Variants in INSYN2B observed in about 807,000 individuals in gnomAD.
The protein encoded by INSYN2B is inhibitory synaptic factor family member 2B.
INSYN2B carries 16 observed loss-of-function variants against 41.2 expected under a neutral mutation model. The observed-to-expected ratio is 0.39, with a 90% CI of 0.26 to 0.59. INSYN2B has a LOEUF of 0.59. Among genes scored for constraint, INSYN2B ranks in the 20% least tolerant of loss-of-function variants. The pLI is 0.57. For missense variants in INSYN2B, 608 were observed against 646.4 expected (o/e 0.94, Z 0.64); for synonymous variants, 245 against 244.4 (o/e 1.00, Z -0.02).
intron 1 of INSYN2B, among the ~76,000 whole-genome samples, chr5:169,973,000 T>C (rs1421008659): frequency 6.6e-6 from 1 of 152,102 alleles, no homozygotes; most frequent in Non-Finnish European, 1.5e-5. Flanking sequence ...AGGGAGGAAG[T>C]GCTAAAAGAG....
chr5:169,861,376 T>A lies in INSYN2B; in HGVS notation c.*2897A>T, dbSNP rs1771185321. Among the ~76,000 whole-genome samples, 1 of 152,208 alleles carries A rather than the reference T, an allele frequency of 6.6e-6. No homozygotes were observed. The highest frequency in any genetic ancestry group is 2.1e-4 in the South Asian group (1 of 4,830). ...AAACAGTTTAGAAATTTACAAAACCTTACATCAGTACATCGTCTTTAAGAA... is the reference window on the plus strand; with the variant it reads ...AAACAGTTTAGAAATTTACAAAACCATACATCAGTACATCGTCTTTAAGAA... On this transcript the variant is annotated 3_prime_UTR_variant, in exon 4 of 4. Coordinates refer to ENST00000377365, the MANE Select transcript of INSYN2B (RefSeq NM_001129891.3).
intron 1 of INSYN2B, among the ~76,000 whole-genome samples, chr5:169,920,327 G>C (rs576883108): frequency 6.6e-6 from 1 of 152,316 alleles, no homozygotes; most frequent in East Asian, 1.9e-4. Flanking sequence ...TATGCAATTA[G>C]AAGTGTGGAT....
At chr5:169,975,094 G>T (rs1191789472) in intron 1 of INSYN2B, among the ~76,000 whole-genome samples, 2 of 152,136 alleles carry the variant, frequency 1.3e-5, no homozygotes, top group Non-Finnish European at 2.9e-5. Context: ...TAAAACTAAA[G>T]TCCATGCCCA....
At chr5:169,934,152 A>G (rs979389925) in intron 1 of INSYN2B, among the ~76,000 whole-genome samples, 10 of 152,098 alleles carry the variant, frequency 6.6e-5, no homozygotes, top group Admixed American at 5.2e-4. Flanking sequence ...AGTGTTCCCA[A>G]TTAGGGGTTG....
intron 3 of INSYN2B, among the ~76,000 whole-genome samples, chr5:169,869,863 C>G (rs893753038): frequency 1.3e-5 from 2 of 152,220 alleles, no homozygotes; most frequent in South Asian, 4.1e-4. Context: ...ACCCTCCCAT[C>G]CTTACCATCT....
At chr5:169,895,727 G>C (rs1490147253) in intron 1 of INSYN2B, among the ~76,000 whole-genome samples, 1 of 151,934 alleles carries the variant, frequency 6.6e-6, no homozygotes, top group Non-Finnish European at 1.5e-5. Context: ...CTCTTACAAA[G>C]AGTTATTCAT....
Position 169,862,442 on chromosome 5 carries a change from A to T in INSYN2B, c.*1831T>A, listed in dbSNP as rs893590226. Among the ~76,000 whole-genome samples the T allele has an allele frequency of 1.3e-5, 2 of 152,140 alleles. No homozygotes were observed. The highest frequency in any genetic ancestry group is 2.1e-4 in the South Asian group (1 of 4,832). On this transcript the variant is annotated 3_prime_UTR_variant, in exon 4 of 4. Coordinates refer to ENST00000377365, the MANE Select transcript of INSYN2B (RefSeq NM_001129891.3). ...GTCCCAAATGATTTCACTTTATTGG[A>T]TTATCCTCTATTCTGTTCTTTTCCA...
At chr5:169,947,035 A>G (rs1352804434) in intron 1 of INSYN2B, among the ~76,000 whole-genome samples, 2 of 152,184 alleles carry the variant, frequency 1.3e-5, no homozygotes, top group African/African-American at 2.4e-5. Context: ...TGAGTTTACA[A>G]TGTATCTGGA....
At chr5:169,977,889 C>T (rs1777772502) in intron 1 of INSYN2B, among the ~76,000 whole-genome samples, 1 of 152,182 alleles carries the variant, frequency 6.6e-6, no homozygotes. Context: ...ACCCACCACA[C>T]AGACAGCACC....
chr5:169,883,281 A>G lies in INSYN2B; in HGVS notation c.618T>C (p.Asp206=), dbSNP rs761437236. 6.4e-7 allele frequency: 1 copy of G among 1,551,632 alleles called. No individual in the cohort carries two copies. Among genetic ancestry groups the G allele is most frequent in the South Asian group, 1.2e-5 (1 of 84,056 alleles). Residue 206 remains aspartate (D), a synonymous_variant, in exon 2 of 4, where the codon GAT becomes GAC. Transcript: ENST00000377365. The part of the protein sequence containing the change: ...EKATAAIQVP[D]DIYHSPSWEA... ...CCCAGGAAGGACTGTGATAAATATC[A>G]TCTGGAACCTGAATGGCAGCTGTGG... is the stretch of plus-strand genomic sequence containing the variant.
intron 1 of INSYN2B, among the ~76,000 whole-genome samples, chr5:169,953,567 AT>A (rs1776751954): frequency 6.6e-6 from 1 of 152,114 alleles, no homozygotes; most frequent in Non-Finnish European, 1.5e-5. Flanking sequence ...CATTATTATT[AT>A]TTGCATTATT....
rs868488198 is a variant in INSYN2B, at chr5:169,934,811, T to C, written c.-919+45466A>G. On this transcript the variant is annotated intron_variant, in intron 1 of 3. Coordinates refer to ENST00000377365, the MANE Select transcript of INSYN2B (RefSeq NM_001129891.3). ...GTTAGTTTCATTATTATCTGTATGA[T>C]AAATTGATTGTAGTGTCATCTGCAA... 14 of 438,330 alleles carry C rather than the reference T, an allele frequency of 3.2e-5. No individual in the cohort carries two copies. In the Middle Eastern group the frequency reaches 1.3e-3, roughly 42 times the overall value. 27.2% of individuals were successfully genotyped at this position (438,330 alleles called of 1,614,324 possible). A position where few individuals can be genotyped will look rare whatever the true frequency, so the allele number is the denominator to read the frequency against.
At chr5:169,938,826 C>T (rs1486909236) in intron 1 of INSYN2B, among the ~76,000 whole-genome samples, 2 of 152,160 alleles carry the variant, frequency 1.3e-5, no homozygotes, top group Admixed American at 6.5e-5. Flanking sequence ...TAGCTTAAAA[C>T]ACAAATATTG....
At chr5:169,899,066 G>T (rs182146841) in intron 1 of INSYN2B, among the ~76,000 whole-genome samples, 101 of 152,316 alleles carry the variant, frequency 6.6e-4, no homozygotes, top group African/African-American at 2.4e-3. Context: ...TACATAAAGT[G>T]CAAGATGGCA....
chr5:169,897,939 C>T (rs750089993), intron 1 of INSYN2B, among the ~76,000 whole-genome samples: 2 of 152,226 alleles, frequency 1.3e-5, no homozygotes, highest in Non-Finnish European at 2.9e-5. Flanking sequence ...TACAAAGCTG[C>T]TCCCCTAGAA....
intron 3 of INSYN2B, among the ~76,000 whole-genome samples, chr5:169,866,614 A>G (rs868485583): frequency 3.3e-5 from 5 of 152,204 alleles, no homozygotes; most frequent in Non-Finnish European, 7.3e-5. Flanking sequence ...GCCTCCTGGC[A>G]CTGCTAATCC....
At chr5:169,904,951 T>A (rs1433586838) in intron 1 of INSYN2B, among the ~76,000 whole-genome samples, 1 of 152,148 alleles carries the variant, frequency 6.6e-6, no homozygotes, top group Non-Finnish European at 1.5e-5. Context: ...ATCCCAGCTC[T>A]GCCACTCCCT....
intron 1 of INSYN2B, among the ~76,000 whole-genome samples, chr5:169,907,130 C>T (rs1199318229): frequency 1.3e-5 from 2 of 152,006 alleles, no homozygotes; most frequent in African/African-American, 2.4e-5. Flanking sequence ...AAGATATGGC[C>T]GGGGATGCAT....
intron 1 of INSYN2B, among the ~76,000 whole-genome samples, chr5:169,908,376 C>G (rs1056846844): frequency 6.6e-6 from 1 of 152,096 alleles, no homozygotes; most frequent in Non-Finnish European, 1.5e-5. Flanking sequence ...TATAGGCATA[C>G]TCATACATGC....
Sources: allele counts gnomAD v4.1 joint callset (sites outside exome capture counted in the v4.1 genomes callset), GRCh38; gene constraint gnomAD v4.1.1; transcripts MANE v1.5; gene names NCBI Gene and HGNC (gene_info 2026-07-23, HGNC 2026-07-21).